EIPR1: variants seen among roughly 807,000 people sequenced by gnomAD.
The protein encoded by EIPR1 is EARP and GARP complex-interacting protein 1.
Under a neutral mutation model 48.1 loss-of-function variants are expected in EIPR1, and 25 were observed. That is an observed-to-expected ratio of 0.52 (90% confidence interval 0.38 to 0.73). The LOEUF (loss-of-function observed/expected upper bound fraction) is 0.73, where lower values mean the gene tolerates loss of function less well. Ranked by LOEUF, EIPR1 falls within the 30% of genes least tolerant of loss-of-function variation. The probability of loss-of-function intolerance (pLI) is 0.00; values close to 1 mark genes in which losing one functional copy is unlikely to be tolerated. For missense variants in EIPR1, 415 were observed against 506.2 expected, an observed-to-expected ratio of 0.82 and a Z score of 1.73; for synonymous variants, 204 against 201.9, an observed-to-expected ratio of 1.01 and a Z score of -0.09.
intron 4 of EIPR1, among the ~76,000 whole-genome samples, chr2:3,230,029 T>TCCA (rs1666191614): frequency 6.6e-6 from 1 of 152,204 alleles, no homozygotes; most frequent in African/African-American, 2.4e-5. Context: ...TTCTTCCCCA[T>TCCA]CCATGAACAC....
At chr2:3,244,435 A>T (rs545990763) in intron 4 of EIPR1, among the ~76,000 whole-genome samples, 2 of 152,346 alleles carry the variant, frequency 1.3e-5, no homozygotes, top group African/African-American at 4.8e-5. Context: ...TGAAAAACTT[A>T]TTCTGCTATG....
intron 2 of EIPR1, among the ~76,000 whole-genome samples, chr2:3,339,316 T>C (rs887240984): frequency 2.0e-5 from 3 of 152,232 alleles, no homozygotes; most frequent in Non-Finnish European, 4.4e-5. Flanking sequence ...CCTAACTAGG[T>C]CTGGGACTGA....
At chr2:3,291,650 T>C (rs1024603306) in intron 3 of EIPR1, among the ~76,000 whole-genome samples, 2 of 152,236 alleles carry the variant, frequency 1.3e-5, no homozygotes, top group Non-Finnish European at 1.5e-5. Context: ...TCTGGGGTGA[T>C]GCCGTGAGGG....
chr2:3,376,548 G>A (rs903487265), intron 1 of EIPR1, among the ~76,000 whole-genome samples: 8 of 152,020 alleles, frequency 5.3e-5, no homozygotes, highest in African/African-American at 9.7e-5. Context: ...AAAATTAGTC[G>A]GGCGTGGTGG....
chr2:3,271,781 T>G (rs1334291837), intron 3 of EIPR1, among the ~76,000 whole-genome samples: 2 of 152,344 alleles, frequency 1.3e-5, no homozygotes, highest in East Asian at 3.9e-4. Flanking sequence ...AACTTAAAAG[T>G]CAACAACTCC....
rs7595694 is a variant in EIPR1, at chr2:3,208,913, C to T, written c.516+5236G>A. On this transcript the variant is annotated intron_variant, in intron 5 of 8. Coordinates refer to ENST00000382125, the MANE Select transcript of EIPR1 (RefSeq NM_003310.5). ...CCTCCAGCCTGGGAATGATGGCACA[C>T]ACAGGGTCCGTGCACGCTCCTTCAG... is the stretch of plus-strand genomic sequence containing the variant. The T allele has an allele frequency of 8.8e-3, 13,641 of 1,545,376 alleles. 931 individuals are homozygous for T. In the African/African-American group the frequency reaches 0.15, roughly 17 times the overall value.
chr2:3,227,093 C>G (rs1040421207), intron 4 of EIPR1, among the ~76,000 whole-genome samples: 4 of 152,050 alleles, frequency 2.6e-5, no homozygotes, highest in Non-Finnish European at 4.4e-5. Flanking sequence ...GTAAAGACAC[C>G]CGAAAATGTG....
intron 3 of EIPR1, among the ~76,000 whole-genome samples, chr2:3,308,379 T>A (rs1490759189): frequency 6.6e-6 from 1 of 151,556 alleles, no homozygotes; most frequent in African/African-American, 2.4e-5. Context: ...AACAAAGAGA[T>A]GAAAGATATA....
intron 4 of EIPR1, among the ~76,000 whole-genome samples, chr2:3,231,333 T>TC (rs1302425058): frequency 6.6e-6 from 1 of 152,206 alleles, no homozygotes; most frequent in Non-Finnish European, 1.5e-5. Flanking sequence ...GCCTTTTATT[T>TC]CTTTTTCTTG....
At chr2:3,275,788 T>C in intron 3 of EIPR1, among the ~76,000 whole-genome samples, 1 of 152,044 alleles carries the variant, frequency 6.6e-6, no homozygotes, top group East Asian at 1.9e-4. Context: ...AAATTGAGGA[T>C]GTGCTGAAAT....
intron 3 of EIPR1, among the ~76,000 whole-genome samples, chr2:3,306,228 G>C (rs1391473413): frequency 6.6e-6 from 1 of 152,192 alleles, no homozygotes; most frequent in Non-Finnish European, 1.5e-5. Flanking sequence ...GAACAGCGCT[G>C]TACACACCTT....
chr2:3,336,831 GGGAAGGGAAA>G (rs1670061177), intron 3 of EIPR1, among the ~76,000 whole-genome samples: 3 of 122,210 alleles, frequency 2.5e-5, no homozygotes, highest in Admixed American at 8.6e-5. Flanking sequence ...GAAAAGGGAA[GGGAAGGGAAA>G]GGAAGGGAAA....
At chr2:3,373,752 T>C (rs577859463) in intron 1 of EIPR1, among the ~76,000 whole-genome samples, 27 of 152,066 alleles carry the variant, frequency 1.8e-4, no homozygotes, top group Admixed American at 1.6e-3. Flanking sequence ...TGGAAGAACA[T>C]TCCATGCTCA....
At chr2:3,328,343 C>T (rs1244765768) in intron 3 of EIPR1, among the ~76,000 whole-genome samples, 1 of 152,190 alleles carries the variant, frequency 6.6e-6, no homozygotes, top group Non-Finnish European at 1.5e-5. Flanking sequence ...GCCTGGGTTC[C>T]CTGGATCAGA....
intron 4 of EIPR1, among the ~76,000 whole-genome samples, chr2:3,247,763 GAAT>G (rs367688974): frequency 2.6e-3 from 389 of 152,204 alleles, no homozygotes; most frequent in Non-Finnish European, 4.4e-3. Context: ...TTTAATAGAA[GAAT>G]AACCATATAC....
chr2:3,246,015 T>G (rs1254861209), intron 4 of EIPR1, among the ~76,000 whole-genome samples: 1 of 152,106 alleles, frequency 6.6e-6, no homozygotes, highest in Non-Finnish European at 1.5e-5. Context: ...CACGTGAGCC[T>G]GGAAGGCCGA....
At chr2:3,275,664 C>T (rs1234372740) in intron 3 of EIPR1, among the ~76,000 whole-genome samples, 1 of 151,990 alleles carries the variant, frequency 6.6e-6, no homozygotes, top group Admixed American at 6.6e-5. Context: ...TCCATATCAA[C>T]ATCAGAATTT....
intron 2 of EIPR1, among the ~76,000 whole-genome samples, chr2:3,339,333 C>T (rs1277322069): frequency 6.6e-6 from 1 of 152,188 alleles, no homozygotes; most frequent in Non-Finnish European, 1.5e-5. Context: ...CTGACTGTGC[C>T]TGGCGCACTC....
intron 4 of EIPR1, among the ~76,000 whole-genome samples, chr2:3,242,713 T>C (rs994825771): frequency 7.2e-5 from 11 of 152,264 alleles, no homozygotes; most frequent in African/African-American, 1.7e-4. Context: ...GATATGTATC[T>C]ATCCAATGAT....
Sources: gnomAD v4.1 joint callset for allele counts (sites outside exome capture counted in the v4.1 genomes callset) on GRCh38, gnomAD v4.1.1 for gene constraint, MANE v1.5 for transcripts, NCBI Gene and HGNC (gene_info 2026-07-23, HGNC 2026-07-21) for gene names.